PMPCB: variants seen among roughly 807,000 people sequenced by gnomAD.
PMPCB encodes mitochondrial-processing peptidase subunit beta.
In PMPCB, 46 loss-of-function variants were observed where a neutral mutation model predicts 61.5. That is an observed-to-expected ratio of 0.75 (90% CI 0.59 to 0.96). The LOEUF (loss-of-function observed/expected upper bound fraction) is 0.96, where lower values mean the gene tolerates loss of function less well. PMPCB is among the 40% of genes least tolerant of loss of function. The pLI, the probability that PMPCB is intolerant of heterozygous loss-of-function variation, is 0.00. For missense variants in PMPCB, 590 were observed against 602.4 expected (o/e 0.98, Z 0.22); for synonymous variants, 191 against 201.6 (o/e 0.95, Z 0.44).
At chr7:103,341,397 T>C in the PMPCB span, among the ~76,000 whole-genome samples, 1 of 152,222 alleles carries the variant, frequency 6.6e-6, no homozygotes, top group African/African-American at 2.4e-5. Context: ...CCATACCGCA[T>C]GTACCCTATA....
rs530867878 is a variant in PMPCB, at chr7:103,326,551, C to G, written c.*1432-2380C>G. The G allele has an allele frequency of 1.7e-5, 27 of 1,613,904 alleles. No homozygotes were observed. The South Asian group carries it at 2.1e-4, about 12-fold the overall frequency. Reference sequence around the variant, plus strand: ...GGGATGCCTTAACTTACCTGGAATTCCTTTCAAACACTGGGGTAAACACTT... The same window carrying G: ...GGGATGCCTTAACTTACCTGGAATTGCTTTCAAACACTGGGGTAAACACTT... On this transcript the variant is annotated intron_variant and NMD_transcript_variant, in intron 12 of 12. Coordinates refer to the PMPCB transcript ENST00000444457.
chr7:103,305,267 C>T (rs974905572), intron 6 of PMPCB, among the ~76,000 whole-genome samples: 7 of 152,026 alleles, frequency 4.6e-5, no homozygotes, highest in Non-Finnish European at 1.0e-4. Flanking sequence ...GGAATCCAAA[C>T]ATGCAGGTGA....
rs1817890025 is a variant in PMPCB, at chr7:103,313,749, TCA to T, written c.*1479_*1480del. The T allele has an allele frequency of 1.0e-6, 1 of 985,248 alleles. No homozygotes were observed. Among genetic ancestry groups the T allele is most frequent in the Non-Finnish European group, 1.2e-6 (1 of 829,774 alleles). The allele number at this position is 985,248 out of a possible 1,614,324, so 61.0% of individuals were successfully genotyped here. On this transcript the variant is annotated 3_prime_UTR_variant, in exon 13 of 13. Transcript: ENST00000249269. ...GTTCTTCAACTAAACCTTGTATATT[TCA>T]GAAAACATCTAAGATGTGTGTCAGA...
At chr7:103,329,989 G>T (rs1055463818), downstream of PMPCB, among the ~76,000 whole-genome samples, 8 of 152,088 alleles carry the variant, frequency 5.3e-5, no homozygotes, top group African/African-American at 1.7e-4. Flanking sequence ...TTCACCCCTG[G>T]ATTTTAGGTA....
chr7:103,302,540 C>T (rs1197590231), intron 4 of PMPCB, among the ~76,000 whole-genome samples: 1 of 152,176 alleles, frequency 6.6e-6, no homozygotes, highest in Non-Finnish European at 1.5e-5. Context: ...ACCCATTTTA[C>T]TGGACTCTGT....
chr7:103,334,747 C>T, the PMPCB span, among the ~76,000 whole-genome samples: 1 of 151,928 alleles, frequency 6.6e-6, no homozygotes, highest in African/African-American at 2.4e-5. Flanking sequence ...CCATGCTTGG[C>T]CTATAGAAAT....
At chr7:103,316,781 T>TCTCCAGG (rs1171064209), downstream of PMPCB, 2 of 1,479,568 alleles carry the variant, frequency 1.4e-6, no homozygotes, top group Admixed American at 1.8e-5. Flanking sequence ...GTCTACATTA[T>TCTCCAGG]CTCCAGGCTC....
intron 1 of PMPCB, among the ~76,000 whole-genome samples, chr7:103,298,119 CCTCT>C (rs765143647): frequency 3.9e-5 from 6 of 152,018 alleles, no homozygotes; most frequent in Middle Eastern, 3.4e-3. Context: ...ATCTTCCTAT[CCTCT>C]CTCTCTTTTT....
rs766572508 is a variant in PMPCB at position 103,309,079 on chromosome 7, C to CT, written c.981dup (p.Gly328TrpfsTer8). ...ACGCTGATTGGCAACTGGGATCGCT[C>CT]TTTTGGGGGAGGAATGGTAAGTGAT... On this transcript the variant is annotated frameshift_variant, in exon 8 of 13. Transcript: ENST00000249269. LOFTEE classifies it high-confidence loss of function. 13 of 1,602,604 alleles carry CT rather than the reference C, an allele frequency of 8.1e-6. No homozygotes were observed. The highest frequency in any genetic ancestry group is 7.8e-5 in the South Asian group (7 of 89,172).
At chr7:103,300,458 A>AT (rs1817419981) in intron 4 of PMPCB, 151 bp downstream of exon 4, 26 of 499,798 alleles carry the variant, frequency 5.2e-5, no homozygotes, top group South Asian at 9.9e-5. Context: ...AGCTGATCTT[A>AT]TTTTTTTTCT....
At position 103,313,313 on chromosome 7, in the gene PMPCB, AGG is replaced by A; in HGVS notation, c.*1043_*1044del. 1 of 1,309,542 alleles carries A rather than the reference AGG, an allele frequency of 7.6e-7. No individual in the cohort carries two copies. The highest frequency in any genetic ancestry group is 9.7e-7 in the Non-Finnish European group (1 of 1,032,576). 81.1% of individuals were successfully genotyped at this position (1,309,542 alleles called of 1,614,324 possible). On this transcript the variant is annotated 3_prime_UTR_variant, in exon 13 of 13. Coordinates refer to ENST00000249269, the MANE Select transcript of PMPCB (RefSeq NM_004279.3). ...CACATCCCAGAAAATAAAATCTCAA[AGG>A]CTTTTAAAACACAATAGTAAAGATC...
intron 6 of PMPCB, among the ~76,000 whole-genome samples, chr7:103,306,541 CCTGA>C (rs1395366830): frequency 2.6e-5 from 4 of 152,054 alleles, no homozygotes; most frequent in Non-Finnish European, 4.4e-5. Flanking sequence ...TGCCATCACA[CCTGA>C]CTAATTTTGT....
intron 12 of PMPCB, among the ~76,000 whole-genome samples, chr7:103,321,583 C>T (rs544697117): frequency 7.9e-5 from 12 of 151,788 alleles, no homozygotes; most frequent in African/African-American, 2.9e-4. Context: ...TGCAGTGGCT[C>T]ATGCCTGTAG....
chr7:103,298,732 C>CT, intron 2 of PMPCB, 24 bp downstream of exon 2: 2 of 1,600,034 alleles, frequency 1.2e-6, no homozygotes, highest in Non-Finnish European at 1.7e-6. Context: ...GCAACCTTCT[C>CT]TAAGTGACCC....
chr7:103,319,492 A>G, downstream of PMPCB: 2 of 1,017,458 alleles, frequency 2.0e-6, no homozygotes, highest in South Asian at 3.0e-5. Context: ...AACAGTGGGA[A>G]ACATAAAGAG....
the PMPCB span, chr7:103,336,139 C>G: frequency 1.3e-5 from 2 of 152,146 alleles, no homozygotes; most frequent in Non-Finnish European, 2.9e-5. Flanking sequence ...TGCACTCCAG[C>G]CTGCGCAACA....
chr7:103,330,271 T>C (rs951529394), downstream of PMPCB, among the ~76,000 whole-genome samples: 1 of 152,158 alleles, frequency 6.6e-6, no homozygotes, highest in South Asian at 2.1e-4. Context: ...TAGTGTACTA[T>C]TAAATTGCAT....
chr7:103,327,283 CGA>C, intron 12 of PMPCB: 1 of 1,006,592 alleles, frequency 9.9e-7, no homozygotes, highest in Non-Finnish European at 1.3e-6. Flanking sequence ...GCATCTGAAA[CGA>C]AAAAAAAAAA....
intron 1 of PMPCB, among the ~76,000 whole-genome samples, 170 bp from the exon 2 acceptor site, chr7:103,298,398 T>C (rs540546864): frequency 6.6e-6 from 1 of 152,166 alleles, no homozygotes. Flanking sequence ...CAGTGGCTGG[T>C]GACAGATGTT....
Sources: gnomAD v4.1 joint callset for allele counts (sites outside exome capture counted in the v4.1 genomes callset) on GRCh38, gnomAD v4.1.1 for gene constraint, MANE v1.5 for transcripts, NCBI Gene and HGNC (gene_info 2026-07-23, HGNC 2026-07-21) for gene names.